The following GNAL variants were observed in gnomAD, a reference collection of about 807,000 sequenced individuals.
GNAL encodes G protein subunit alpha L.
In GNAL, 18 loss-of-function variants were observed where a neutral mutation model predicts 55.1. The observed-to-expected ratio is 0.33, with a 90% CI of 0.23 to 0.48. The LOEUF (loss-of-function observed/expected upper bound fraction) is 0.48, where lower values mean the gene tolerates loss of function less well. Among genes scored for constraint, GNAL ranks in the 20% least tolerant of loss-of-function variants. The pLI, the probability that GNAL is intolerant of heterozygous loss-of-function variation, is 0.99. For synonymous variants in GNAL, 253 were observed against 237.0 expected, an observed-to-expected ratio of 1.07 and a Z score of -0.62; for missense variants, 412 against 614.1, an observed-to-expected ratio of 0.67 and a Z score of 3.48.
intron 4 of GNAL, among the ~76,000 whole-genome samples, chr18:11,795,593 C>T (rs1472419744): frequency 6.6e-6 from 1 of 152,144 alleles, no homozygotes; most frequent in African/African-American, 2.4e-5. Flanking sequence ...AGGCTTTGTA[C>T]TTAGTGTAAA....
rs1365137950 is a variant in GNAL at position 11,884,361 on chromosome 18, G to T, written c.*3226G>T. The T allele has an allele frequency of 3.0e-6, 4 of 1,328,856 alleles. No individual in the cohort carries two copies. In the African/African-American group the frequency reaches 4.4e-5, roughly 15 times the overall value. 82.3% of individuals were successfully genotyped at this position (1,328,856 alleles called of 1,614,324 possible). A position where few individuals can be genotyped will look rare whatever the true frequency, so the allele number is the denominator to read the frequency against. ...TGTGCAGAGAGACGGCCTGTAATTG[G>T]TCTCATCATCCACTTGATTCTAACA... On this transcript the variant is annotated 3_prime_UTR_variant, in exon 12 of 12. Transcript: ENST00000334049.
rs2036775116 is a variant in GNAL at position 11,883,556 on chromosome 18, A to C, written c.*2421A>C. 1 of 153,658 alleles carries C rather than the reference A, an allele frequency of 6.5e-6. No individual in the cohort carries two copies. Among genetic ancestry groups the C allele is most frequent in the Non-Finnish European group, 1.5e-5 (1 of 68,042 alleles). 9.5% of individuals were successfully genotyped at this position (153,658 alleles called of 1,614,324 possible). On this transcript the variant is annotated 3_prime_UTR_variant, in exon 12 of 12. Coordinates refer to ENST00000334049, the MANE Select transcript of GNAL (RefSeq NM_182978.4). ...TCCACTTTTTAAGTTTCTTTTGATC[A>C]CTGACAGGCATTAACAGATGTAGCA... is the stretch of plus-strand genomic sequence containing the variant.
intron 10 of GNAL, among the ~76,000 whole-genome samples, chr18:11,873,680 C>T (rs1185512454): frequency 6.6e-6 from 1 of 152,224 alleles, no homozygotes; most frequent in Non-Finnish European, 1.5e-5. Flanking sequence ...ATGTGCTTTC[C>T]AGGACTGAGG....
intron 1 of GNAL, among the ~76,000 whole-genome samples, chr18:11,729,356 G>A (rs1404862542): frequency 6.6e-6 from 1 of 152,110 alleles, no homozygotes; most frequent in Admixed American, 6.5e-5. Context: ...CAGTGAACCA[G>A]CTGGAGGATG....
chr18:11,770,510 C>A (rs1407779774), intron 4 of GNAL, among the ~76,000 whole-genome samples: 1 of 152,194 alleles, frequency 6.6e-6, no homozygotes, highest in Non-Finnish European at 1.5e-5. Flanking sequence ...TCTATGCAAT[C>A]TCAGTCAAAC....
At chr18:11,845,778 A>G (rs919080402) in intron 5 of GNAL, among the ~76,000 whole-genome samples, 15 of 149,432 alleles carry the variant, frequency 1.0e-4, no homozygotes, top group Non-Finnish European at 1.9e-4. Context: ...AAAGAGAGAG[A>G]GAGAGAGAGA....
intron 1 of GNAL, among the ~76,000 whole-genome samples, chr18:11,695,797 A>G (rs2031388182): frequency 6.6e-6 from 1 of 152,302 alleles, no homozygotes; most frequent in Non-Finnish European, 1.5e-5. Flanking sequence ...AGAAGGAAGC[A>G]ATCTCTTTGG....
intron 6 of GNAL, among the ~76,000 whole-genome samples, chr18:11,864,055 G>A (rs1027939581): frequency 1.3e-5 from 2 of 151,288 alleles, no homozygotes; most frequent in Admixed American, 1.3e-4. Flanking sequence ...GCTTTCTCTG[G>A]AGGATAAAAC....
intron 10 of GNAL, among the ~76,000 whole-genome samples, chr18:11,875,477 G>C (rs527770727): frequency 7.9e-5 from 12 of 152,312 alleles, no homozygotes; most frequent in African/African-American, 2.9e-4. Context: ...CTTGGGGATG[G>C]ATCATTTTTG....
intron 1 of GNAL, chr18:11,746,215 A>C (rs2032684797): frequency 3.8e-6 from 2 of 525,706 alleles, no homozygotes; most frequent in East Asian, 5.1e-5. Context: ...TGTAGGTACA[A>C]CCTCTGCATG....
chr18:11,727,206 C>T (rs2032233018), intron 1 of GNAL, among the ~76,000 whole-genome samples: 1 of 152,178 alleles, frequency 6.6e-6, no homozygotes. Context: ...CAGCAGCTTC[C>T]CTGCGCACCC....
rs2036738238 is a variant in GNAL at position 11,882,821 on chromosome 18, GCT to G, written c.*1689_*1690del. ...CTGAAGTATAAAGTCAAAAGATACG[GCT>G]CTTTCTCACACTTGCAAGACTTACA... On this transcript the variant is annotated 3_prime_UTR_variant, in exon 12 of 12. Transcript: ENST00000334049. The G allele has an allele frequency of 6.6e-6, 1 of 152,118 alleles. No homozygotes were observed. The highest frequency in any genetic ancestry group is 1.5e-5 in the Non-Finnish European group (1 of 68,032). 9.4% of individuals were successfully genotyped at this position (152,118 alleles called of 1,614,324 possible).
intron 5 of GNAL, among the ~76,000 whole-genome samples, chr18:11,835,488 A>G (rs2035479793): frequency 6.6e-6 from 1 of 152,180 alleles, no homozygotes; most frequent in South Asian, 2.1e-4. Context: ...GCCTAAAAGT[A>G]CAGTAAAACG....
intron 1 of GNAL, among the ~76,000 whole-genome samples, chr18:11,703,105 A>C (rs1567991363): frequency 6.6e-6 from 1 of 152,162 alleles, no homozygotes; most frequent in Non-Finnish European, 1.5e-5. Flanking sequence ...GCGACAGAGC[A>C]AGACTCCGTC....
intron 1 of GNAL, among the ~76,000 whole-genome samples, chr18:11,716,270 G>A (rs746848178): frequency 2.0e-5 from 3 of 152,108 alleles, no homozygotes; most frequent in East Asian, 1.9e-4. Flanking sequence ...TCTTAAAGGC[G>A]GCATGTCCAG....
chr18:11,833,896 A>G (rs1239599190), intron 5 of GNAL, among the ~76,000 whole-genome samples: 3 of 152,196 alleles, frequency 2.0e-5, no homozygotes, highest in Admixed American at 6.5e-5. Flanking sequence ...GGGAGAAGAC[A>G]AGTCCCCTGG....
At chr18:11,725,234 A>G (rs1169114219) in intron 1 of GNAL, among the ~76,000 whole-genome samples, 1 of 152,208 alleles carries the variant, frequency 6.6e-6, no homozygotes, top group East Asian at 1.9e-4. Flanking sequence ...TAATTAGGAT[A>G]AAATGAGATT....
At chr18:11,787,588 T>C (rs970587552) in intron 4 of GNAL, among the ~76,000 whole-genome samples, 6 of 152,070 alleles carry the variant, frequency 3.9e-5, no homozygotes, top group Non-Finnish European at 5.9e-5. Flanking sequence ...TTAGGAAATA[T>C]TTGGCCGGGC....
chr18:11,874,899 A>G (rs1454575549), intron 10 of GNAL, among the ~76,000 whole-genome samples: 1 of 147,310 alleles, frequency 6.8e-6, no homozygotes, highest in East Asian at 2.0e-4. Flanking sequence ...CCTCCCTTCT[A>G]TGAATCTGTG....
Sources: allele counts gnomAD v4.1 joint callset (sites outside exome capture counted in the v4.1 genomes callset), GRCh38; gene constraint gnomAD v4.1.1; transcripts MANE v1.5; gene names NCBI Gene and HGNC (gene_info 2026-07-23, HGNC 2026-07-21).